The following CSMD1 variants were observed in gnomAD, a reference collection of about 807,000 sequenced individuals.
The protein encoded by CSMD1 is CUB and sushi domain-containing protein 1.
Under a neutral mutation model 417.5 loss-of-function variants are expected in CSMD1, and 213 were observed. The observed-to-expected ratio is 0.51, with a 90% CI of 0.46 to 0.57. The LOEUF (loss-of-function observed/expected upper bound fraction) is 0.57, where lower values mean the gene tolerates loss of function less well. CSMD1 is among the 20% of genes least tolerant of loss of function. CSMD1 has a pLI of 0.00. For synonymous variants in CSMD1, 2,862 were observed against 1,736.8 expected (o/e 1.65, Z -16.11); for missense variants, 6,923 against 4,529.7 (o/e 1.53, Z -15.17).
intron 28 of CSMD1, among the ~76,000 whole-genome samples, chr8:3,221,920 T>A (rs1405787049): frequency 2.6e-5 from 4 of 152,014 alleles, no homozygotes; most frequent in Admixed American, 6.6e-5. Context: ...AAAACACACC[T>A]GAATTTGCCA....
intron 2 of CSMD1, among the ~76,000 whole-genome samples, chr8:4,484,607 G>A (rs774478558): frequency 2.0e-5 from 3 of 152,086 alleles, no homozygotes; most frequent in Non-Finnish European, 2.9e-5. Context: ...GAGGGCTGAC[G>A]TGACCTGCTC....
intron 28 of CSMD1, among the ~76,000 whole-genome samples, chr8:3,220,201 G>T (rs1293591207): frequency 6.7e-6 from 1 of 149,446 alleles, no homozygotes; most frequent in Non-Finnish European, 1.5e-5. Flanking sequence ...AATATTAATA[G>T]CCCCTACAAT....
intron 1 of CSMD1, among the ~76,000 whole-genome samples, chr8:4,878,125 T>C (rs551103371): frequency 4.5e-4 from 69 of 152,244 alleles, no homozygotes; most frequent in Non-Finnish European, 8.8e-4. Flanking sequence ...CTGTTTTGGC[T>C]TTCCTCAGAA....
intron 5 of CSMD1, among the ~76,000 whole-genome samples, chr8:3,989,257 C>G (rs1211598204): frequency 1.3e-5 from 2 of 152,212 alleles, no homozygotes; most frequent in Non-Finnish European, 2.9e-5. Context: ...AGCAAACCTG[C>G]TCTACGTCAT....
chr8:4,588,806 A>ACACACACACACACACAC (rs1563313415), intron 2 of CSMD1, among the ~76,000 whole-genome samples: 5 of 150,868 alleles, frequency 3.3e-5, no homozygotes, highest in South Asian at 2.1e-4. Flanking sequence ...ACACACACAC[A>ACACACACACACACACAC]AAAGAAACTC....
At chr8:3,444,523 G>C (rs368483255) in intron 12 of CSMD1, among the ~76,000 whole-genome samples, 1 of 152,206 alleles carries the variant, frequency 6.6e-6, no homozygotes, top group South Asian at 2.1e-4. Context: ...GGGACATTTG[G>C]CAATGTCTGG....
Position 2,998,131 on chromosome 8 carries a change from C to T in CSMD1, c.8257G>A (p.Glu2753Lys), listed in dbSNP as rs1448009312. Residue 2753 changes from glutamate (E) to lysine (K), a missense_variant, in exon 54 of 70, where the codon GAG becomes AAG. Coordinates refer to ENST00000635120, the MANE Select transcript of CSMD1 (RefSeq NM_033225.6). The stretch of plus-strand genomic sequence containing the variant: ...TTCACGACATCATTCAGGTTGAACT[C>T]ACTGCCATTAGTGAATCCGTGGGCA... ...NPAHGFTNGS[E>K]FNLNDVVNFT... 6 of 1,613,902 alleles carry T rather than the reference C, an allele frequency of 3.7e-6. No individual in the cohort carries two copies. Among genetic ancestry groups the T allele is most frequent in the South Asian group, 1.1e-5 (1 of 91,092 alleles).
intron 1 of CSMD1, among the ~76,000 whole-genome samples, chr8:4,923,933 G>T (rs1452680746): frequency 1.3e-5 from 2 of 152,200 alleles, no homozygotes; most frequent in Non-Finnish European, 1.5e-5. Flanking sequence ...AGGAAAGAAA[G>T]TAGCTTAGCA....
chr8:4,092,477 T>G (rs1356976216), intron 3 of CSMD1, among the ~76,000 whole-genome samples: 1 of 152,188 alleles, frequency 6.6e-6, no homozygotes, highest in Non-Finnish European at 1.5e-5. Context: ...GGTAAAATGA[T>G]AATTAAGCAT....
intron 7 of CSMD1, among the ~76,000 whole-genome samples, chr8:3,643,700 C>CAAAAAAAAAAAAAAAAAAAAAAAAA (rs66500235): frequency 1.1e-4 from 9 of 85,336 alleles, no homozygotes; most frequent in East Asian, 4.2e-4. Context: ...GACTCCGTCT[C>CAAAAAAAAAAAAAAAAAAAAAAAAA]AAAAAAAAAA....
At chr8:4,454,733 A>G (rs1342628283) in intron 2 of CSMD1, among the ~76,000 whole-genome samples, 1 of 152,204 alleles carries the variant, frequency 6.6e-6, no homozygotes, top group Non-Finnish European at 1.5e-5. Flanking sequence ...AATGGATAAA[A>G]CTATACTCGT....
At chr8:4,053,487 T>C (rs1174554760) in intron 3 of CSMD1, among the ~76,000 whole-genome samples, 1 of 152,074 alleles carries the variant, frequency 6.6e-6, no homozygotes, top group Non-Finnish European at 1.5e-5. Flanking sequence ...CAACGCAATA[T>C]ATTCTTAAAA....
intron 6 of CSMD1, among the ~76,000 whole-genome samples, chr8:3,717,018 G>T (rs1801879047): frequency 6.6e-6 from 1 of 152,050 alleles, no homozygotes; most frequent in South Asian, 2.1e-4. Context: ...AAAAATAAAG[G>T]TCACAAAGCT....
At chr8:4,360,547 T>G (rs1801692790) in intron 3 of CSMD1, among the ~76,000 whole-genome samples, 1 of 152,130 alleles carries the variant, frequency 6.6e-6, no homozygotes, top group Non-Finnish European at 1.5e-5. Flanking sequence ...TGGAGGGCAG[T>G]GGCGCGATCT....
At chr8:4,054,039 A>T (rs561623875) in intron 3 of CSMD1, among the ~76,000 whole-genome samples, 30 of 152,186 alleles carry the variant, frequency 2.0e-4, no homozygotes, top group Non-Finnish European at 4.4e-4. Flanking sequence ...TTTGCTTAGG[A>T]AGTTCACTGA....
chr8:3,525,038 T>C (rs1356255487), intron 10 of CSMD1, among the ~76,000 whole-genome samples: 2 of 152,172 alleles, frequency 1.3e-5, no homozygotes, highest in African/African-American at 4.8e-5. Flanking sequence ...CCCAATCCCT[T>C]GGTCCAACGC....
At chr8:4,313,989 G>C (rs1033637456) in intron 3 of CSMD1, among the ~76,000 whole-genome samples, 3 of 151,328 alleles carry the variant, frequency 2.0e-5, no homozygotes, top group African/African-American at 7.3e-5. Flanking sequence ...ACTCCAGCCT[G>C]GGCAACAAAG....
intron 1 of CSMD1, among the ~76,000 whole-genome samples, chr8:4,755,480 T>C (rs1811608237): frequency 6.6e-6 from 1 of 152,214 alleles, no homozygotes; most frequent in Admixed American, 6.5e-5. Flanking sequence ...ATGATTGACA[T>C]TTATTTTTGG....
chr8:4,704,722 T>C (rs1034907843), intron 1 of CSMD1, among the ~76,000 whole-genome samples: 2 of 152,212 alleles, frequency 1.3e-5, no homozygotes, highest in African/African-American at 2.4e-5. Flanking sequence ...CTTAATGGAA[T>C]GCCTGTCCTT....
Sources: allele counts gnomAD v4.1 joint callset (sites outside exome capture counted in the v4.1 genomes callset), GRCh38; gene constraint gnomAD v4.1.1; transcripts MANE v1.5; gene names NCBI Gene and HGNC (gene_info 2026-07-23, HGNC 2026-07-21).